Variants in LRRC20 observed in about 807,000 individuals in gnomAD.
The protein encoded by LRRC20 is leucine rich repeat containing 20, also known as leucine-rich repeat-containing protein 20.
In LRRC20, 11 loss-of-function variants were observed where a neutral mutation model predicts 14.4. The observed-to-expected ratio is 0.77, with a 90% confidence interval of 0.48 to 1.27. The LOEUF (loss-of-function observed/expected upper bound fraction) is 1.27, where lower values mean the gene tolerates loss of function less well. LRRC20 is among the 50% of genes most tolerant of loss of function. LRRC20 has a pLI of 0.00. For synonymous variants in LRRC20, 121 were observed against 107.3 expected, an observed-to-expected ratio of 1.13 and a Z score of -0.79; for missense variants, 219 against 251.2, an observed-to-expected ratio of 0.87 and a Z score of 0.87.
chr10:70,372,669 C>G (rs905742837), intron 2 of LRRC20, among the ~76,000 whole-genome samples: 17 of 151,986 alleles, frequency 1.1e-4, no homozygotes, highest in Admixed American at 9.8e-4. Flanking sequence ...GTTTCGATCT[C>G]CTGACCTTGT....
intron 3 of LRRC20, among the ~76,000 whole-genome samples, chr10:70,335,699 G>GATGACTCC (rs1270778084): frequency 6.6e-6 from 1 of 152,178 alleles, no homozygotes; most frequent in Non-Finnish European, 1.5e-5. Context: ...CACCCAGGCA[G>GATGACTCC]ATGACTCCTT....
intron 2 of LRRC20, among the ~76,000 whole-genome samples, chr10:70,352,874 C>T (rs908309278): frequency 5.9e-5 from 9 of 152,144 alleles, no homozygotes; most frequent in East Asian, 5.8e-4. Context: ...TTGCATCTTG[C>T]GAAACGGAAA....
chr10:70,364,409 G>A (rs964790876), intron 2 of LRRC20, among the ~76,000 whole-genome samples: 2 of 152,262 alleles, frequency 1.3e-5, no homozygotes, highest in African/African-American at 4.8e-5. Flanking sequence ...ACACACAGCA[G>A]CTGCTCAAAG....
intron 2 of LRRC20, among the ~76,000 whole-genome samples, chr10:70,347,330 A>G (rs10466017): frequency 0.41 from 62,060 of 151,878 alleles, 12,934 homozygotes; most frequent in East Asian, 0.58. Context: ...TCCCCACAGT[A>G]GGGAGAGAAA....
At chr10:70,330,361 C>G (rs1289426784) in intron 3 of LRRC20, among the ~76,000 whole-genome samples, 1 of 150,048 alleles carries the variant, frequency 6.7e-6, no homozygotes, top group Non-Finnish European at 1.5e-5. Flanking sequence ...AGAACATGGT[C>G]CATTTCTTCT....
intron 3 of LRRC20, among the ~76,000 whole-genome samples, chr10:70,335,826 C>T (rs1842711889): frequency 6.6e-6 from 1 of 152,298 alleles, no homozygotes; most frequent in Non-Finnish European, 1.5e-5. Flanking sequence ...TTAGAAACTC[C>T]TTCTTATTTA....
At chr10:70,302,770 GCGCGATCTCGACTCACTGCAAGCTC>G (rs1280654021) in intron 4 of LRRC20, among the ~76,000 whole-genome samples, 1 of 151,340 alleles carries the variant, frequency 6.6e-6, no homozygotes, top group East Asian at 1.9e-4. Context: ...GAGTGCAGTG[GCGCGATCTCGACTCACTGCAAGCTC>G]CGCCTCCCAG....
chr10:70,350,132 A>ATGATTAGCATCCTTT (rs150160338), intron 2 of LRRC20, among the ~76,000 whole-genome samples: 1 of 152,144 alleles, frequency 6.6e-6, no homozygotes, highest in African/African-American at 2.4e-5. Flanking sequence ...TTAGTGCTAA[A>ATGATTAGCATCCTTT]TGGCGGTCAC....
chr10:70,335,955 C>G (rs74139081), intron 3 of LRRC20, among the ~76,000 whole-genome samples: 2 of 152,160 alleles, frequency 1.3e-5, no homozygotes, highest in Non-Finnish European at 2.9e-5. Context: ...ACCCACAGAC[C>G]GTGGACAAAC....
intron 2 of LRRC20, among the ~76,000 whole-genome samples, chr10:70,371,652 G>A (rs576018918): frequency 2.6e-4 from 40 of 152,296 alleles, no homozygotes; most frequent in African/African-American, 9.4e-4. Flanking sequence ...GGCAGGGAAA[G>A]AGAGCCTGGC....
At chr10:70,329,624 C>T (rs1222775279) in intron 3 of LRRC20, among the ~76,000 whole-genome samples, 10 of 150,064 alleles carry the variant, frequency 6.7e-5, no homozygotes, top group Admixed American at 6.0e-4. Context: ...TGCAGTGGCA[C>T]GATCTCGGCT....
At chr10:70,335,692 C>G (rs1842706391) in intron 3 of LRRC20, among the ~76,000 whole-genome samples, 1 of 152,212 alleles carries the variant, frequency 6.6e-6, no homozygotes, top group Non-Finnish European at 1.5e-5. Flanking sequence ...ACATTCCCAC[C>G]CAGGCAGATG....
intron 4 of LRRC20, among the ~76,000 whole-genome samples, chr10:70,321,612 T>C (rs972493078): frequency 1.3e-5 from 2 of 152,228 alleles, no homozygotes; most frequent in African/African-American, 2.4e-5. Context: ...CAGGAGCAGC[T>C]GGCCACTTGG....
intron 1 of LRRC20, among the ~76,000 whole-genome samples, chr10:70,378,289 A>T (rs892371326): frequency 1.4e-4 from 22 of 152,174 alleles, no homozygotes; most frequent in African/African-American, 5.3e-4. Context: ...CCTTCCTCTG[A>T]GTTTCAGTAG....
At chr10:70,378,902 TC>T (rs1443708974) in intron 1 of LRRC20, among the ~76,000 whole-genome samples, 1 of 151,980 alleles carries the variant, frequency 6.6e-6, no homozygotes, top group African/African-American at 2.4e-5. Context: ...GCCGAGATCG[TC>T]CCATTGCACT....
chr10:70,309,276 C>T (rs72809217), intron 4 of LRRC20, among the ~76,000 whole-genome samples: 1 of 152,280 alleles, frequency 6.6e-6, no homozygotes, highest in South Asian at 2.1e-4. Context: ...CCCAGCAAAG[C>T]AGGCTGCTTC....
intron 3 of LRRC20, among the ~76,000 whole-genome samples, chr10:70,329,448 A>T (rs1842449890): frequency 6.6e-6 from 1 of 151,994 alleles, no homozygotes; most frequent in Admixed American, 6.6e-5. Flanking sequence ...ATTTTTGAAG[A>T]TGCTCTTTAC....
chr10:70,320,089 G>A (rs1045217820), intron 4 of LRRC20, among the ~76,000 whole-genome samples: 4 of 152,204 alleles, frequency 2.6e-5, no homozygotes, highest in African/African-American at 9.6e-5. Flanking sequence ...TCCAGACTGA[G>A]AGCACGGGCC....
intron 3 of LRRC20, among the ~76,000 whole-genome samples, chr10:70,330,926 C>T (rs530483717): frequency 6.6e-6 from 1 of 152,340 alleles, no homozygotes; most frequent in Non-Finnish European, 1.5e-5. Context: ...GACCACACCA[C>T]CTGCTTCCAT....
Sources: gnomAD v4.1 joint callset for allele counts (sites outside exome capture counted in the v4.1 genomes callset) on GRCh38, gnomAD v4.1.1 for gene constraint, MANE v1.5 for transcripts, NCBI Gene and HGNC (gene_info 2026-07-23, HGNC 2026-07-21) for gene names.